Variants in ANKFN1 observed in about 807,000 individuals in gnomAD.
ANKFN1 encodes the protein ankyrin repeat and fibronectin type-III domain-containing protein 1.
Under a neutral mutation model 108.7 loss-of-function variants are expected in ANKFN1, and 74 were observed. The observed-to-expected ratio is 0.68, with a 90% CI of 0.56 to 0.83. ANKFN1 has a LOEUF of 0.83. ANKFN1 is among the 40% of genes least tolerant of loss of function. ANKFN1 has a pLI of 0.00. For missense variants in ANKFN1, 1,505 were observed against 1,382.3 expected, an observed-to-expected ratio of 1.09 and a Z score of -1.41; for synonymous variants, 547 against 516.2, an observed-to-expected ratio of 1.06 and a Z score of -0.81.
intron 8 of ANKFN1, among the ~76,000 whole-genome samples, chr17:56,405,906 A>G (rs955766134): frequency 1.1e-4 from 17 of 152,188 alleles, no homozygotes; most frequent in Admixed American, 7.2e-4. Flanking sequence ...ACGGATATCT[A>G]TGGTGGGAGG....
chr17:56,050,220 C>T (rs1002826785), intron 4 of ANKFN1, among the ~76,000 whole-genome samples: 24 of 149,638 alleles, frequency 1.6e-4, no homozygotes, highest in African/African-American at 5.9e-4. Context: ...ATGTCCTTCG[C>T]CCACTTTTTG....
intron 4 of ANKFN1, among the ~76,000 whole-genome samples, chr17:56,127,698 C>T (rs1907019910): frequency 6.6e-6 from 1 of 152,220 alleles, no homozygotes; most frequent in South Asian, 2.1e-4. Flanking sequence ...GTCTCAGACC[C>T]CCACAATCAC....
In ANKFN1 at chr17:56,510,719, A is replaced by G. The variant is rs1394815604; in HGVS notation, c.2891A>G (p.His964Arg). 1 of 1,535,814 alleles carries G rather than the reference A, an allele frequency of 6.5e-7. No individual in the cohort carries two copies. Among genetic ancestry groups the G allele is most frequent in the Non-Finnish European group, 8.7e-7 (1 of 1,146,860 alleles). Residue 964 changes from histidine (H) to arginine (R), a missense_variant, in exon 21 of 21, where the codon CAC becomes CGC. His to Arg is a conservative substitution (Grantham distance 29, BLOSUM62 0). Coordinates refer to ENST00000682825, the MANE Select transcript of ANKFN1 (RefSeq NM_001370326.1). ...DPQGEGPNPD[H>R]SCAEFLHSLT... Reference sequence around the variant, plus strand: ...CAGGGCGAGGGCCCAAATCCCGATCACTCATGTGCCGAGTTTCTCCATAGC... The same window carrying G: ...CAGGGCGAGGGCCCAAATCCCGATCGCTCATGTGCCGAGTTTCTCCATAGC...
chr17:56,118,292 T>C (rs1043529889), intron 4 of ANKFN1, among the ~76,000 whole-genome samples: 19 of 152,186 alleles, frequency 1.2e-4, no homozygotes, highest in Non-Finnish European at 5.9e-5. Flanking sequence ...TTTAACTCTT[T>C]GAGGAACTGT....
At chr17:56,234,796 G>A (rs1188648176) in intron 3 of ANKFN1, among the ~76,000 whole-genome samples, 1 of 152,012 alleles carries the variant, frequency 6.6e-6, no homozygotes, top group Non-Finnish European at 1.5e-5. Flanking sequence ...TATTGTGACA[G>A]GTGTTGCAAT....
chr17:56,245,652 C>T (rs191690255), intron 3 of ANKFN1: 6 of 152,072 alleles, frequency 3.9e-5, no homozygotes, highest in Admixed American at 6.6e-5. Flanking sequence ...TCATTTATAA[C>T]GTTTTAAAGT....
At chr17:56,183,867 TG>T (rs2143642910) in intron 1 of ANKFN1, among the ~76,000 whole-genome samples, 1 of 152,306 alleles carries the variant, frequency 6.6e-6, no homozygotes, top group East Asian at 1.9e-4. Context: ...ACTGCATATG[TG>T]GTACCAATAT....
intron 4 of ANKFN1, among the ~76,000 whole-genome samples, chr17:56,053,198 G>T (rs1904807954): frequency 6.6e-6 from 1 of 151,896 alleles, no homozygotes; most frequent in Non-Finnish European, 1.5e-5. Context: ...ATGTATCTGT[G>T]GGGAACATGA....
At chr17:56,420,059 T>C (rs989192473) in intron 8 of ANKFN1, among the ~76,000 whole-genome samples, 3 of 152,204 alleles carry the variant, frequency 2.0e-5, no homozygotes, top group Non-Finnish European at 4.4e-5. Context: ...CCTTGGTATA[T>C]ATAATCTCAT....
intron 3 of ANKFN1, chr17:56,323,502 G>A (rs1224999820): frequency 6.6e-6 from 1 of 152,606 alleles, no homozygotes; most frequent in Non-Finnish European, 1.5e-5. Flanking sequence ...AGAACAAAAA[G>A]GAAGAACATC....
intron 19 of ANKFN1, among the ~76,000 whole-genome samples, chr17:56,494,407 C>T (rs753767291): frequency 5.9e-5 from 9 of 151,954 alleles, no homozygotes; most frequent in Non-Finnish European, 1.0e-4. Context: ...AAGACTGGCT[C>T]ATTTTTGAAC....
chr17:56,480,796 A>G lies in ANKFN1; in HGVS notation c.2069A>G (p.Gln690Arg). 6.2e-7 allele frequency: 1 copy of G among 1,613,920 alleles called. No individual in the cohort carries two copies. Among genetic ancestry groups the G allele is most frequent in the South Asian group, 1.1e-5 (1 of 91,076 alleles). The change falls in exon 17 of 21, where the codon CAG (glutamine) becomes CGG (arginine). Residue 690 changes from glutamine (Q) to arginine (R), a missense_variant. Transcript: ENST00000682825. ...ATGGCAGTGAAAGCTCTCCTTCAGC[A>G]GATCAATATACCTCTACACCAGGTA... ...LQMAVKALLQ[Q>R]INIPLHQARN...
chr17:56,354,025 G>A lies in ANKFN1; in HGVS notation c.580G>A (p.Gly194Arg), dbSNP rs758647782. 2 of 1,613,858 alleles carry A rather than the reference G, an allele frequency of 1.2e-6. No individual in the cohort carries two copies. The highest frequency in any genetic ancestry group is 8.5e-7 in the Non-Finnish European group (1 of 1,179,928). ...VPIARILLRT[G>R]ARESPHFVSL... ...CATTGCAAGGATTCTTCTGAGGACA[G>A]GGGCCCGAGAAAGTCCACACTGTAA... Residue 194 changes from glycine (G) to arginine (R), a missense_variant, in exon 6 of 21, where the codon GGG becomes AGG. By Grantham distance (125) the Gly-to-Arg change is moderately radical. Coordinates refer to ENST00000682825, the MANE Select transcript of ANKFN1 (RefSeq NM_001370326.1).
intron 4 of ANKFN1, among the ~76,000 whole-genome samples, chr17:56,119,251 A>T (rs993149068): frequency 1.3e-5 from 2 of 152,172 alleles, no homozygotes; most frequent in African/African-American, 4.8e-5. Flanking sequence ...GAACTTTGAC[A>T]TTTAAAGACG....
At chr17:56,282,438 A>T (rs2044108843) in intron 3 of ANKFN1, among the ~76,000 whole-genome samples, 1 of 152,134 alleles carries the variant, frequency 6.6e-6, no homozygotes, top group Admixed American at 6.6e-5. Flanking sequence ...AACTCATCAG[A>T]CTTAAAATTT....
At chr17:56,308,022 G>A (rs972528671) in intron 3 of ANKFN1, among the ~76,000 whole-genome samples, 12 of 152,240 alleles carry the variant, frequency 7.9e-5, no homozygotes, top group African/African-American at 2.9e-4. Context: ...TCACTCATAG[G>A]TGGGAATTGA....
chr17:56,106,128 A>G (rs1322815764), intron 4 of ANKFN1, among the ~76,000 whole-genome samples: 1 of 152,184 alleles, frequency 6.6e-6, no homozygotes, highest in Admixed American at 6.5e-5. Flanking sequence ...TATATTCATT[A>G]AAGCAACCCT....
intron 1 of ANKFN1, among the ~76,000 whole-genome samples, chr17:56,199,683 G>A (rs1282823919): frequency 2.6e-5 from 4 of 152,116 alleles, no homozygotes; most frequent in Non-Finnish European, 4.4e-5. Context: ...CTAGTCTGTC[G>A]AGGTGTACCA....
rs1330648463 is a variant in ANKFN1, at chr17:56,070,963, C to G, written c.288+24638C>G. 2.0e-5 allele frequency among the ~76,000 whole-genome samples: 3 copies of G among 151,110 alleles called. No homozygotes were observed. In the East Asian group the frequency reaches 5.9e-4, roughly 29 times the overall value. Reference sequence around the variant, plus strand: ...GTTGGCCAGGATGGTCTCGATCTCTCGACCTCATGATCTGCCCACCTCAGC... The same window carrying G: ...GTTGGCCAGGATGGTCTCGATCTCTGGACCTCATGATCTGCCCACCTCAGC... On this transcript the variant is annotated intron_variant, in intron 4 of 12. Transcript: ENST00000635860.
Sources: gnomAD v4.1 joint callset for allele counts (sites outside exome capture counted in the v4.1 genomes callset) on GRCh38, gnomAD v4.1.1 for gene constraint, MANE v1.5 for transcripts, NCBI Gene and HGNC (gene_info 2026-07-23, HGNC 2026-07-21) for gene names.